Variants in EXOC3 observed in about 807,000 individuals in gnomAD.
The protein encoded by EXOC3 is exocyst complex component 3.
In EXOC3, 21 loss-of-function variants were observed where a neutral mutation model predicts 73.7. The ratio of observed to expected loss-of-function variants is 0.29; its 90% confidence interval spans 0.20 to 0.41. The LOEUF (loss-of-function observed/expected upper bound fraction) is 0.41, where lower values mean the gene tolerates loss of function less well. EXOC3 is among the 10% of genes least tolerant of loss of function. The pLI is 1.00. For synonymous variants in EXOC3, 410 were observed against 389.1 expected (o/e 1.05, Z -0.63); for missense variants, 842 against 985.1 (o/e 0.85, Z 1.95).
At chr5:448,524 C>T (rs1461261553) in intron 3 of EXOC3, among the ~76,000 whole-genome samples, 1 of 152,200 alleles carries the variant, frequency 6.6e-6, no homozygotes, top group Non-Finnish European at 1.5e-5. Context: ...CTGTCTCTGG[C>T]CTCTTGGCAA....
intron 3 of EXOC3, 57 bp from the exon 4 acceptor site, chr5:453,313 A>G: frequency 1.5e-6 from 2 of 1,323,584 alleles, no homozygotes; most frequent in Non-Finnish European, 2.1e-6. Context: ...CACCGCATGC[A>G]GGCAGCCTTT....
At position 464,518 on chromosome 5, in the gene EXOC3, C is replaced by A. The variant is rs1244917652; in HGVS notation, c.1776+106C>A. 9.4e-6 allele frequency: 12 copies of A among 1,276,696 alleles called. No homozygotes were observed. The East Asian group carries it at 2.4e-4, about 26-fold the overall frequency. 79.1% of individuals were successfully genotyped at this position (1,276,696 alleles called of 1,614,324 possible). On this transcript the variant is annotated intron_variant, in intron 10 of 12. Coordinates refer to ENST00000512944, the MANE Select transcript of EXOC3 (RefSeq NM_007277.5). ...GAGTCCCTCCGTGAGTGAACGTTCA[C>A]TTGTTGTCCTATCAGCCCAAGGGAG...
intron 1 of EXOC3, among the ~76,000 whole-genome samples, chr5:443,814 C>T (rs964099849): frequency 6.6e-6 from 1 of 151,774 alleles, no homozygotes; most frequent in Admixed American, 6.6e-5. Flanking sequence ...GTGTCCCCCC[C>T]CAGGCGCAGT....
At chr5:457,572 C>T (rs946044975) in intron 5 of EXOC3, 10 of 276,208 alleles carry the variant, frequency 3.6e-5, no homozygotes, top group Admixed American at 9.6e-5. Context: ...CAGGCCTGAC[C>T]GGACCTGGTC....
At chr5:459,218 G>A (rs894762372) in intron 6 of EXOC3, 141 bp from the exon 7 acceptor site, 36 of 346,400 alleles carry the variant, frequency 1.0e-4, no homozygotes, top group Middle Eastern at 1.4e-3. Context: ...TATTTTTCAC[G>A]TGGTTTCATT....
chr5:449,866 T>G (rs1346890624), intron 3 of EXOC3, among the ~76,000 whole-genome samples: 1 of 152,246 alleles, frequency 6.6e-6, no homozygotes, highest in African/African-American at 2.4e-5. Context: ...CCAGACTGTT[T>G]CCTCCGGTGG....
At chr5:466,032 T>G in intron 12 of EXOC3, 187 bp downstream of exon 12, 5 of 484,758 alleles carry the variant, frequency 1.0e-5, no homozygotes, top group East Asian at 9.0e-5. Context: ...GCCTTCCACC[T>G]GGCCTGGGCT....
In EXOC3 at chr5:462,083, G is replaced by A. The variant is rs771658490; in HGVS notation, c.1502+13G>A. The A allele has an allele frequency of 1.1e-5, 18 of 1,609,888 alleles. No individual in the cohort carries two copies. Among genetic ancestry groups the A allele is most frequent in the South Asian group, 1.1e-4 (10 of 90,718 alleles). ...GCCAGACCTTCAAGTGAGTGTGGCC[G>A]GGCGCTGTGGCGGGGGAGCGGTGGA... On this transcript the variant is annotated intron_variant, in intron 8 of 12. Coordinates refer to ENST00000512944, the MANE Select transcript of EXOC3 (RefSeq NM_007277.5).
rs78562237 is a variant in EXOC3 at position 448,829 on chromosome 5, G to A, written c.364+1077G>A. On this transcript the variant is annotated intron_variant, in intron 3 of 12. Coordinates refer to ENST00000512944, the MANE Select transcript of EXOC3 (RefSeq NM_007277.5). ...GCTTTGTGTGTGCCCTTCTTCCAGG[G>A]CATGATCCGTAGGGTCACATGTGTG... 3.4e-3 allele frequency among the ~76,000 whole-genome samples: 525 copies of A among 152,316 alleles called. 2 individuals are homozygous for A. Among genetic ancestry groups the A allele is most frequent in the Middle Eastern group, 6.8e-3 (2 of 294 alleles).
intron 3 of EXOC3, among the ~76,000 whole-genome samples, chr5:450,000 C>A (rs1423283019): frequency 6.6e-6 from 1 of 152,216 alleles, no homozygotes; most frequent in Non-Finnish European, 1.5e-5. Context: ...CATCCCAGCA[C>A]TTTGGAAGGC....
At chr5:457,139 G>T in intron 5 of EXOC3, 133 bp downstream of exon 5, 1 of 660,722 alleles carries the variant, frequency 1.5e-6, no homozygotes, top group South Asian at 1.7e-5. Flanking sequence ...CAGTTGCCCG[G>T]GCTCTGCTTC....
intron 4 of EXOC3, 28 bp downstream of exon 4, chr5:454,079 C>T: frequency 1.3e-6 from 2 of 1,545,068 alleles, no homozygotes; most frequent in Non-Finnish European, 1.7e-6. Context: ...CCTGTGTTGG[C>T]TCTTAGGTAG....
chr5:447,324 T>C, intron 2 of EXOC3: 5 of 549,972 alleles, frequency 9.1e-6, no homozygotes, highest in South Asian at 7.0e-5. Context: ...AAATGCATCA[T>C]TGTTCTGTTC....
Position 462,023 on chromosome 5 carries a change from C to T in EXOC3, c.1455C>T (p.Cys485=), listed in dbSNP as rs376838648. 1.2e-6 allele frequency: 2 copies of T among 1,608,552 alleles called. No homozygotes were observed. Among genetic ancestry groups the T allele is most frequent in the Non-Finnish European group, 8.5e-7 (1 of 1,177,332 alleles). Reference sequence around the variant, plus strand: ...TGAGGAATCGGCAGCACCCTCACTGCTACGTTCAGTACATGATCGCCATCA... The same window carrying T: ...TGAGGAATCGGCAGCACCCTCACTGTTACGTTCAGTACATGATCGCCATCA... ...EHLRNRQHPH[C]YVQYMIAIIN... The change falls in exon 8 of 13, where the codon TGC becomes TGT. Residue 485 remains cysteine (C), a synonymous_variant. Transcript: ENST00000512944.
rs1277532013 is a variant in EXOC3, at chr5:453,502, A to T, written c.497A>T (p.Asn166Ile). The change falls in exon 4 of 13, where the codon AAC becomes ATC. Residue 166 changes from asparagine (N) to isoleucine (I), a missense_variant. Asn to Ile is a moderately radical substitution (Grantham distance 149, BLOSUM62 -3). Coordinates refer to ENST00000512944, the MANE Select transcript of EXOC3 (RefSeq NM_007277.5). Reference protein sequence around the residue: ...MYEQYRMDSGNTRDMTLIHGY... With the variant: ...MYEQYRMDSGITRDMTLIHGY... Reference sequence around the variant, plus strand: ...GAGCAGTACCGCATGGACAGTGGGAACACGCGTGACATGACCCTCATCCAT... The same window carrying T: ...GAGCAGTACCGCATGGACAGTGGGATCACGCGTGACATGACCCTCATCCAT... 1 of 1,613,960 alleles carries T rather than the reference A, an allele frequency of 6.2e-7. No homozygotes were observed.
chr5:459,809 TG>T (rs1438808976), intron 7 of EXOC3, among the ~76,000 whole-genome samples: 1 of 152,218 alleles, frequency 6.6e-6, no homozygotes, highest in Non-Finnish European at 1.5e-5. Context: ...TACTTCGTAG[TG>T]GGGAGGGCGT....
Position 461,972 on chromosome 5 carries a change from A to C in EXOC3, c.1404A>C (p.Glu468Asp). The C allele has an allele frequency of 6.3e-7, 1 of 1,591,698 alleles. No homozygotes were observed. The highest frequency in any genetic ancestry group is 8.6e-7 in the Non-Finnish European group (1 of 1,168,832). Residue 468 changes from glutamate (E) to aspartate (D), a missense_variant, in exon 8 of 13, where the codon GAA becomes GAC. Coordinates refer to ENST00000512944, the MANE Select transcript of EXOC3 (RefSeq NM_007277.5). ...MNSFLSRYKDEAQLYKEEHLR... is the reference protein window; with the variant it reads ...MNSFLSRYKDDAQLYKEEHLR... ...TGTCTGTCCTCAGATATAAAGATGA[A>C]GCGCAGCTGTATAAAGAAGAGCACC... is the stretch of plus-strand genomic sequence containing the variant.
intron 3 of EXOC3, among the ~76,000 whole-genome samples, chr5:449,338 C>T (rs1207743012): frequency 2.0e-5 from 3 of 152,188 alleles, no homozygotes; most frequent in Non-Finnish European, 4.4e-5. Context: ...TTTAAGTGTA[C>T]AGTTGGGGAC....
chr5:464,930 C>T (rs1738095455), intron 10 of EXOC3, 181 bp from the exon 11 acceptor site: 2 of 662,058 alleles, frequency 3.0e-6, no homozygotes, highest in Admixed American at 3.2e-5. Context: ...GTCACCGTCA[C>T]TGTTCCCCCA....
Sources: allele counts gnomAD v4.1 joint callset (sites outside exome capture counted in the v4.1 genomes callset), GRCh38; gene constraint gnomAD v4.1.1; transcripts MANE v1.5; gene names NCBI Gene and HGNC (gene_info 2026-07-23, HGNC 2026-07-21).